CERT1: variants seen among roughly 807,000 people sequenced by gnomAD.
The protein encoded by CERT1 is ceramide transfer protein.
Under a neutral mutation model 87.9 loss-of-function variants are expected in CERT1, and 31 were observed. The ratio of observed to expected loss-of-function variants is 0.35; its 90% CI spans 0.27 to 0.48. The LOEUF (loss-of-function observed/expected upper bound fraction) is 0.48, where lower values mean the gene tolerates loss of function less well. CERT1 is among the 20% of genes least tolerant of loss of function. The pLI is 0.99. For missense variants in CERT1, 487 were observed against 758.0 expected, an observed-to-expected ratio of 0.64 and a Z score of 4.20; for synonymous variants, 289 against 250.9, an observed-to-expected ratio of 1.15 and a Z score of -1.44.
intron 5 of CERT1, among the ~76,000 whole-genome samples, chr5:75,420,345 C>T (rs2112163102): frequency 6.9e-6 from 1 of 145,086 alleles, no homozygotes; most frequent in African/African-American, 2.6e-5. Flanking sequence ...ATGATATCGA[C>T]TGTTTTTTTT....
At chr5:75,409,402 T>C (rs1048095968) in intron 8 of CERT1, among the ~76,000 whole-genome samples, 9 of 152,250 alleles carry the variant, frequency 5.9e-5, no homozygotes, top group Non-Finnish European at 1.3e-4. Context: ...TTTTCCTTTC[T>C]AGAGCAAAAG....
intron 2 of CERT1, among the ~76,000 whole-genome samples, chr5:75,462,165 G>C (rs1273246535): frequency 6.6e-6 from 1 of 152,074 alleles, no homozygotes; most frequent in African/African-American, 2.4e-5. Context: ...GTAATTATTA[G>C]AAAGAAACAA....
intron 2 of CERT1, among the ~76,000 whole-genome samples, chr5:75,469,554 T>C (rs1365191111): frequency 1.3e-5 from 2 of 150,992 alleles, no homozygotes; most frequent in East Asian, 2.0e-4. Flanking sequence ...AAATAACTAT[T>C]TTTTTTTGTA....
At chr5:75,370,148 C>A (rs1334006263) in intron 17 of CERT1, 1 of 152,202 alleles carries the variant, frequency 6.6e-6, no homozygotes, top group Non-Finnish European at 1.5e-5. Context: ...AAATTCAACA[C>A]AAGTCAGATT....
intron 3 of CERT1, among the ~76,000 whole-genome samples, chr5:75,436,766 T>G (rs1412117242): frequency 6.6e-6 from 1 of 152,044 alleles, no homozygotes; most frequent in Non-Finnish European, 1.5e-5. Context: ...CTCAACAGTT[T>G]GAATATATAT....
chr5:75,504,586 A>G (rs1561310326), intron 2 of CERT1, among the ~76,000 whole-genome samples: 3 of 152,356 alleles, frequency 2.0e-5, no homozygotes, highest in East Asian at 1.9e-4. Context: ...TATTATATAT[A>G]TATCTTTCAC....
intron 10 of CERT1, among the ~76,000 whole-genome samples, chr5:75,399,671 T>A (rs970598546): frequency 2.0e-5 from 3 of 152,232 alleles, no homozygotes; most frequent in African/African-American, 7.2e-5. Context: ...TATTTTGGAC[T>A]AGCCACTCCT....
At chr5:75,467,986 A>C (rs1211381228) in intron 2 of CERT1, among the ~76,000 whole-genome samples, 1 of 152,254 alleles carries the variant, frequency 6.6e-6, no homozygotes, top group Non-Finnish European at 1.5e-5. Context: ...AAAAACTTAA[A>C]CATTCAACAA....
intron 1 of CERT1, among the ~76,000 whole-genome samples, chr5:75,506,845 T>C (rs925105427): frequency 1.3e-5 from 2 of 152,168 alleles, no homozygotes; most frequent in Non-Finnish European, 2.9e-5. Flanking sequence ...CCTTAAGAGT[T>C]TCTGTGTTGC....
rs115678119 is a variant in CERT1 at position 75,459,146 on chromosome 5, A to G, written c.267T>C (p.Ser89=). The change falls in exon 3 of 17, where the codon AGT becomes AGC. Residue 89 remains serine, a synonymous_variant. Transcript: ENST00000643780. The part of the protein sequence containing the change: ...HDFDECRFDI[S]VNDSVWYLRA... ...GAAGATACCAAACACTATCATTTAC[A>G]CTAATATCAAATCGACATTCATCAA... 22 of 1,612,276 alleles carry G rather than the reference A, an allele frequency of 1.4e-5. No individual in the cohort carries two copies. The East Asian group carries it at 3.3e-4, about 25-fold the overall frequency.
chr5:75,430,571 T>C (rs1188169502), intron 3 of CERT1, among the ~76,000 whole-genome samples: 2 of 152,178 alleles, frequency 1.3e-5, no homozygotes, highest in African/African-American at 4.8e-5. Flanking sequence ...GTGGGAAGTG[T>C]AGACTACATC....
chr5:75,417,755 T>G (rs1763199704), intron 6 of CERT1, among the ~76,000 whole-genome samples: 1 of 152,232 alleles, frequency 6.6e-6, no homozygotes, highest in African/African-American at 2.4e-5. Flanking sequence ...TTGAAAACAC[T>G]GTTAAGAGGA....
chr5:75,436,194 G>A (rs1764090354), intron 3 of CERT1, among the ~76,000 whole-genome samples: 1 of 152,054 alleles, frequency 6.6e-6, no homozygotes, highest in Non-Finnish European at 1.5e-5. Flanking sequence ...TACCATGCCT[G>A]GCTAATTTTT....
At chr5:75,425,011 G>C (rs971463616) in intron 5 of CERT1, among the ~76,000 whole-genome samples, 3 of 152,116 alleles carry the variant, frequency 2.0e-5, no homozygotes, top group Non-Finnish European at 4.4e-5. Flanking sequence ...CTAGCAACCT[G>C]GGTGGCTGAG....
intron 1 of CERT1, among the ~76,000 whole-genome samples, 168 bp downstream of exon 1, chr5:75,510,944 A>G (rs932272630): frequency 1.3e-5 from 2 of 152,048 alleles, no homozygotes; most frequent in African/African-American, 4.8e-5. Flanking sequence ...CCGGGCAACA[A>G]GGACAGTGCC....
At chr5:75,407,609 G>A (rs1762758991) in intron 8 of CERT1, among the ~76,000 whole-genome samples, 1 of 151,922 alleles carries the variant, frequency 6.6e-6, no homozygotes, top group African/African-American at 2.4e-5. Context: ...AAGAAACGTG[G>A]CAGCCATAAA....
chr5:75,494,147 C>T (rs1459737537), intron 2 of CERT1, among the ~76,000 whole-genome samples: 2 of 152,146 alleles, frequency 1.3e-5, no homozygotes, highest in Non-Finnish European at 1.5e-5. Context: ...TAGTCCTTTG[C>T]TGTCTGCTCA....
chr5:75,400,573 T>C (rs1004086090), intron 9 of CERT1: 2 of 315,612 alleles, frequency 6.3e-6, no homozygotes, highest in Non-Finnish European at 5.8e-6. Context: ...GCTACCTGCA[T>C]AGCATTATTT....
intron 11 of CERT1, among the ~76,000 whole-genome samples, chr5:75,393,602 TAAAAAAAAAAAAA>T (rs60898983): frequency 6.1e-5 from 2 of 32,770 alleles, no homozygotes; most frequent in Non-Finnish European, 1.2e-4. Context: ...CTCATCTACT[TAAAAAAAAAAAAA>T]AAAAAAAAGA....
Sources: gnomAD v4.1 joint callset for allele counts (sites outside exome capture counted in the v4.1 genomes callset) on GRCh38, gnomAD v4.1.1 for gene constraint, MANE v1.5 for transcripts, NCBI Gene and HGNC (gene_info 2026-07-23, HGNC 2026-07-21) for gene names.